The following NCOR2 variants were observed in gnomAD, a reference collection of about 807,000 sequenced individuals.
NCOR2 encodes the protein nuclear receptor corepressor 2.
In NCOR2, 81 loss-of-function variants were observed where a neutral mutation model predicts 262.9. The ratio of observed to expected loss-of-function variants is 0.31; its 90% CI spans 0.26 to 0.37. The LOEUF is 0.37. Among genes scored for constraint, NCOR2 ranks in the 10% least tolerant of loss-of-function variants. The pLI, the probability that NCOR2 is intolerant of heterozygous loss-of-function variation, is 1.00. For synonymous variants in NCOR2, 1,659 were observed against 1,559.3 expected (o/e 1.06, Z -1.51); for missense variants, 3,385 against 3,621.4 (o/e 0.93, Z 1.68).
At chr12:124,413,323 C>T (rs981623524) in intron 13 of NCOR2, among the ~76,000 whole-genome samples, 1 of 152,222 alleles carries the variant, frequency 6.6e-6, no homozygotes, top group Non-Finnish European at 1.5e-5. Flanking sequence ...ATGGGCCAGG[C>T]GCGGCTGATC....
chr12:124,494,435 T>C (rs2136899886), intron 1 of NCOR2, among the ~76,000 whole-genome samples: 1 of 152,312 alleles, frequency 6.6e-6, no homozygotes, highest in Admixed American at 6.5e-5. Flanking sequence ...AGGCCCGTTG[T>C]CCTGGCCACA....
At chr12:124,343,201 G>A in exon 33 of NCOR2, 2 of 1,609,082 alleles carry the variant, frequency 1.2e-6, no homozygotes, top group Non-Finnish European at 1.7e-6. Flanking sequence ...TTCGGTCCTG[G>A]GATGCCTTGC....
intron 1 of NCOR2, among the ~76,000 whole-genome samples, chr12:124,528,997 C>G (rs576525355): frequency 6.6e-6 from 1 of 151,886 alleles, no homozygotes; most frequent in Non-Finnish European, 1.5e-5. Flanking sequence ...CTGGCCAACA[C>G]AGAGAAACCC....
intron 10 of NCOR2, among the ~76,000 whole-genome samples, chr12:124,429,016 C>T (rs937090302): frequency 1.6e-4 from 24 of 152,314 alleles, no homozygotes; most frequent in African/African-American, 2.9e-4. Flanking sequence ...GCCCCAGTGA[C>T]GGCAGCCAGG....
At position 124,333,121 on chromosome 12, in the gene NCOR2, C is replaced by A. The variant is rs759301806; in HGVS notation, c.6755+9G>T. 1.4e-5 allele frequency: 22 copies of A among 1,594,438 alleles called. No homozygotes were observed. The highest frequency in any genetic ancestry group is 1.8e-5 in the Non-Finnish European group (21 of 1,168,964). The stretch of plus-strand genomic sequence containing the variant: ...ATCCCGGGGGCAGCGCATGTGCCCA[C>A]AGAAGTACCTGGGCTCCGTCTGTTC... On this transcript the variant is annotated intron_variant, in intron 42 of 46. Coordinates refer to ENST00000405201, the Ensembl canonical transcript of NCOR2.
intron 1 of NCOR2, among the ~76,000 whole-genome samples, chr12:124,553,962 C>G (rs1306901723): frequency 6.6e-6 from 1 of 152,152 alleles, no homozygotes; most frequent in Non-Finnish European, 1.5e-5. Context: ...AGAGGCCACC[C>G]AAAGCTGCTC....
At chr12:124,472,927 T>C (rs1593709222) in intron 4 of NCOR2, 25 bp downstream of exon 6, 2 of 1,611,836 alleles carry the variant, frequency 1.2e-6, no homozygotes, top group Non-Finnish European at 8.5e-7. Context: ...GAACAAACAC[T>C]CCCCCTCCCC....
rs540422515 is a variant in NCOR2, at chr12:124,376,277, G to A, written c.2168-1814C>T. On this transcript the variant is annotated intron_variant, in intron 18 of 46. Transcript: ENST00000405201. ...AGAGCATGCCCCTCCCCGTCCCTAC[G>A]GGGCTACGTAAGCTCTGCAAGCGAT... Among the ~76,000 whole-genome samples, 4 of 152,228 alleles carry A rather than the reference G, an allele frequency of 2.6e-5. No homozygotes were observed. In the South Asian group the frequency reaches 8.3e-4, roughly 32 times the overall value.
At position 124,495,047 on chromosome 12, in the gene NCOR2, A is replaced by G. The variant is rs2048309698; in HGVS notation, c.105+100T>C. 6.9e-7 allele frequency: 1 copy of G among 1,452,802 alleles called. No individual in the cohort carries two copies. Among genetic ancestry groups the G allele is most frequent in the South Asian group, 1.3e-5 (1 of 79,548 alleles). The allele number at this position is 1,452,802 out of a possible 1,614,324, so 90.0% of individuals were successfully genotyped here. A position where few individuals can be genotyped will look rare whatever the true frequency, so the allele number is the denominator to read the frequency against. On this transcript the variant is annotated intron_variant, in intron 1 of 46. Coordinates refer to ENST00000405201, the Ensembl canonical transcript of NCOR2. This position sits in a 1 kb window ranked among gnomAD's most constrained non-coding sequence, Gnocchi z 4.4. ...TCTGCCCTGGGAGGCTCAGAGCCAC[A>G]TGAGCCTGGCTCCCAGGAGAAAGGA...
rs561926429 is a variant in NCOR2 at position 124,492,666 on chromosome 12, G to A, written c.105+2481C>T. 5.3e-5 allele frequency among the ~76,000 whole-genome samples: 8 copies of A among 152,256 alleles called. 1 individual carries two copies. The highest frequency in any genetic ancestry group is 3.9e-4 in the East Asian group (2 of 5,172). On this transcript the variant is annotated intron_variant, in intron 1 of 46. Transcript: ENST00000405201. ...CTGTCTTTCTGTGGCTTGATGAGGAGCTCAGGAAGGGGGTAGTATCTTTCG... is the reference window on the plus strand; with the variant it reads ...CTGTCTTTCTGTGGCTTGATGAGGAACTCAGGAAGGGGGTAGTATCTTTCG...
At chr12:124,373,675 TGC>T (rs2039729344) in intron 19 of NCOR2, among the ~76,000 whole-genome samples, 1 of 118,500 alleles carries the variant, frequency 8.4e-6, no homozygotes, top group African/African-American at 3.3e-5. Flanking sequence ...ATGAGGCCAG[TGC>T]GTGCGCAGGG....
intron 16 of NCOR2, among the ~76,000 whole-genome samples, chr12:124,393,374 C>A (rs2041445871): frequency 6.6e-6 from 1 of 152,236 alleles, no homozygotes. Flanking sequence ...CAGCCGCATG[C>A]ACACAAGAAG....
At chr12:124,406,331 C>T (rs1292490709) in intron 13 of NCOR2, among the ~76,000 whole-genome samples, 2 of 152,210 alleles carry the variant, frequency 1.3e-5, no homozygotes, top group Non-Finnish European at 2.9e-5. Flanking sequence ...TGCAGGTGCA[C>T]ACACATCCCC....
At position 124,448,462 on chromosome 12, in the gene NCOR2, G is replaced by A. The variant is rs890986735; in HGVS notation, c.815+1353C>T. Among the ~76,000 whole-genome samples the A allele has an allele frequency of 3.9e-5, 6 of 152,198 alleles. No homozygotes were observed. In the South Asian group the frequency reaches 6.2e-4, roughly 16 times the overall value. ...TGACATGGGCCTTCTGTACCAGCCC[G>A]GGACCCCTGGCGCAGAACACATGCC... On this transcript the variant is annotated intron_variant, in intron 7 of 46. Transcript: ENST00000405201.
chr12:124,337,684 T>A (rs187707231), intron 37 of NCOR2, among the ~76,000 whole-genome samples: 95 of 151,846 alleles, frequency 6.3e-4, no homozygotes, highest in African/African-American at 2.2e-3. Context: ...ACGTGAGGAG[T>A]GAGAGAGCAA....
intron 1 of NCOR2, among the ~76,000 whole-genome samples, chr12:124,530,718 C>T (rs1008009168): frequency 1.3e-5 from 2 of 152,158 alleles, no homozygotes; most frequent in Non-Finnish European, 2.9e-5. Context: ...CCTCTCTGCC[C>T]CTCAGTCTCC....
At chr12:124,500,409 C>T (rs1488371855) in intron 1 of NCOR2, among the ~76,000 whole-genome samples, 2 of 152,340 alleles carry the variant, frequency 1.3e-5, no homozygotes, top group East Asian at 3.9e-4. Flanking sequence ...CAGCAGAAGC[C>T]AAGTGGGCCA....
intron 37 of NCOR2, among the ~76,000 whole-genome samples, chr12:124,339,298 CCCATCCATCCAT>C (rs147095017): frequency 0.032 from 4,117 of 129,630 alleles, 219 homozygotes; most frequent in African/African-American, 0.11. Flanking sequence ...CAACCACCTG[CCCATCCATCCAT>C]CCATCCATCC....
rs748075124 is a variant in NCOR2 at position 124,335,649 on chromosome 12, G to A, written c.6116-17C>T. The A allele has an allele frequency of 1.3e-6, 2 of 1,586,852 alleles. No homozygotes were observed. The highest frequency in any genetic ancestry group is 1.7e-6 in the Non-Finnish European group (2 of 1,169,458). Reference sequence around the variant, plus strand: ...CGTGGTAACCTAGGGCAGGCGGGGGGTGCAGAGTCAGGCACCGGGCCCAGG... The same window carrying A: ...CGTGGTAACCTAGGGCAGGCGGGGGATGCAGAGTCAGGCACCGGGCCCAGG... On this transcript the variant is annotated splice_polypyrimidine_tract_variant and intron_variant, in intron 38 of 46. Transcript: ENST00000405201.
Sources: gnomAD v4.1 joint callset for allele counts (sites outside exome capture counted in the v4.1 genomes callset) on GRCh38, gnomAD v4.1.1 for gene constraint, Gnocchi (gnomAD v3.1) non-coding constraint, MANE v1.5 for transcripts, NCBI Gene and HGNC (gene_info 2026-07-23, HGNC 2026-07-21) for gene names.